The following CYSRT1 variants were observed in gnomAD, a reference collection of about 807,000 sequenced individuals.
The protein encoded by CYSRT1 is cysteine rich tail 1.
CYSRT1 carries 7 observed loss-of-function variants against 6.2 expected under a neutral mutation model. That is an observed-to-expected ratio of 1.13 (90% CI 0.64 to 2.13). CYSRT1 has a LOEUF of 2.13. CYSRT1 is among the 30% of genes most tolerant of loss of function. The pLI, the probability that CYSRT1 is intolerant of heterozygous loss-of-function variation, is 0.00. For synonymous variants in CYSRT1, 75 were observed against 83.1 expected, an observed-to-expected ratio of 0.90 and a Z score of 0.53; for missense variants, 188 against 196.4, an observed-to-expected ratio of 0.96 and a Z score of 0.26.
chr9:137,226,093 A>G lies in CYSRT1; in HGVS notation c.*37A>G, dbSNP rs775846554. 177 of 1,534,210 alleles carry G rather than the reference A, an allele frequency of 1.2e-4. No homozygotes were observed. The highest frequency in any genetic ancestry group is 1.2e-4 in the Non-Finnish European group (137 of 1,136,058). ...CTGCCAGGGCCAGGACCCAGACTTC[A>G]GCAAATGTGGCTCACACAGTGCCGG... is the stretch of plus-strand genomic sequence containing the variant. On this transcript the variant is annotated 3_prime_UTR_variant, in exon 2 of 2. Transcript: ENST00000650725.
Position 137,225,697 on chromosome 9 carries a change from C to G in CYSRT1, c.76C>G (p.Leu26Val). The change falls in exon 2 of 2, where the codon CTG (leucine) becomes GTG (valine). Residue 26 changes from leucine (L) to valine (V), a missense_variant. Coordinates refer to ENST00000650725, the MANE Select transcript of CYSRT1 (RefSeq NM_199001.5). ...SIPRAHLRPD[L>V]GQQLEVASTC... ...CCCCCGGGCTCACCTGCGGCCTGAC[C>G]TGGGGCAGCAGTTAGAGGTGGCTTC... The G allele has an allele frequency of 6.4e-7, 1 of 1,550,436 alleles. No individual in the cohort carries two copies. The highest frequency in any genetic ancestry group is 1.2e-5 in the South Asian group (1 of 84,064).
At chr9:137,225,262 G>T in intron 1 of CYSRT1, 29 bp downstream of exon 1, 1 of 1,497,884 alleles carries the variant, frequency 6.7e-7, no homozygotes, top group Non-Finnish European at 9.1e-7. Context: ...GGACTGCCCT[G>T]AACTCAGGGG....
chr9:137,225,870 C>T lies in CYSRT1; in HGVS notation c.249C>T (p.Ala83=), dbSNP rs530388424. Residue 83 remains alanine (A), a synonymous_variant, in exon 2 of 2, where the codon GCC becomes GCT. Transcript: ENST00000650725. ...CTGCCCCCATCCAGAACCAGCAGGC[C>T]TGGCAGCAGCCTGGCAACCCCTACA... is the stretch of plus-strand genomic sequence containing the variant. The part of the protein sequence containing the change: ...QGAAPIQNQQ[A]WQQPGNPYSS... 5.8e-6 allele frequency: 9 copies of T among 1,545,958 alleles called. No individual in the cohort carries two copies. In the African/African-American group the frequency reaches 1.1e-4, roughly 19 times the overall value.
At chr9:137,225,259 C>G (rs1267732302) in intron 1 of CYSRT1, 26 bp downstream of exon 1, 1 of 1,520,428 alleles carries the variant, frequency 6.6e-7, no homozygotes, top group Non-Finnish European at 8.9e-7. Context: ...CCGGGACTGC[C>G]CTGAACTCAG....
Position 137,226,230 on chromosome 9 carries a change from C to G in CYSRT1, c.*174C>G, listed in dbSNP as rs377706132. 1 of 1,269,342 alleles carries G rather than the reference C, an allele frequency of 7.9e-7. No individual in the cohort carries two copies. The highest frequency in any genetic ancestry group is 1.6e-5 in the South Asian group (1 of 63,088). 78.6% of individuals were successfully genotyped at this position (1,269,342 alleles called of 1,614,324 possible). On this transcript the variant is annotated 3_prime_UTR_variant, in exon 2 of 2. Coordinates refer to ENST00000650725, the MANE Select transcript of CYSRT1 (RefSeq NM_199001.5). Reference sequence around the variant, plus strand: ...GGCCGTTCAGCCCGAGCTCCTGAAACGGAATCCCAGGTCCTGGCTGGAGAG... The same window carrying G: ...GGCCGTTCAGCCCGAGCTCCTGAAAGGGAATCCCAGGTCCTGGCTGGAGAG...
chr9:137,226,217 C>T lies in CYSRT1; in HGVS notation c.*161C>T, dbSNP rs1053017596. On this transcript the variant is annotated 3_prime_UTR_variant, in exon 2 of 2. Coordinates refer to ENST00000650725, the MANE Select transcript of CYSRT1 (RefSeq NM_199001.5). The stretch of plus-strand genomic sequence containing the variant: ...CCACCAGGAAGGTGGCCGTTCAGCC[C>T]GAGCTCCTGAAACGGAATCCCAGGT... The T allele has an allele frequency of 1.2e-5, 16 of 1,360,352 alleles. No individual in the cohort carries two copies. In the East Asian group the frequency reaches 1.3e-4, roughly 11 times the overall value. 84.3% of individuals were successfully genotyped at this position (1,360,352 alleles called of 1,614,324 possible).
chr9:137,226,097 A>G lies in CYSRT1; in HGVS notation c.*41A>G, dbSNP rs780151083. 6.5e-7 allele frequency: 1 copy of G among 1,533,416 alleles called. No individual in the cohort carries two copies. Among genetic ancestry groups the G allele is most frequent in the Admixed American group, 2.0e-5 (1 of 50,358 alleles). 95.0% of individuals were successfully genotyped at this position (1,533,416 alleles called of 1,614,324 possible). A position where few individuals can be genotyped will look rare whatever the true frequency, so the allele number is the denominator to read the frequency against. On this transcript the variant is annotated 3_prime_UTR_variant, in exon 2 of 2. Coordinates refer to ENST00000650725, the MANE Select transcript of CYSRT1 (RefSeq NM_199001.5). ...CAGGGCCAGGACCCAGACTTCAGCA[A>G]ATGTGGCTCACACAGTGCCGGGACA...
rs1449858172 is a variant in CYSRT1 at position 137,226,090 on chromosome 9, T to C, written c.*34T>C. The C allele has an allele frequency of 6.5e-7, 1 of 1,535,026 alleles. No individual in the cohort carries two copies. The highest frequency in any genetic ancestry group is 8.8e-7 in the Non-Finnish European group (1 of 1,136,420). On this transcript the variant is annotated 3_prime_UTR_variant, in exon 2 of 2. Coordinates refer to ENST00000650725, the MANE Select transcript of CYSRT1 (RefSeq NM_199001.5). ...ACCCTGCCAGGGCCAGGACCCAGAC[T>C]TCAGCAAATGTGGCTCACACAGTGC... is the stretch of plus-strand genomic sequence containing the variant.
In CYSRT1 at chr9:137,225,726, CT is replaced by C; in HGVS notation, c.106del (p.Cys36ValfsTer65). 6.5e-7 allele frequency: 1 copy of C among 1,550,366 alleles called. No individual in the cohort carries two copies. The highest frequency in any genetic ancestry group is 8.7e-7 in the Non-Finnish European group (1 of 1,146,950). ...GGCAGCAGTTAGAGGTGGCTTCCAC[CT>C]GTTCCTCATCCTCGGAGATGCAGCC... The part of the protein sequence containing the change: ...LGQQLEVAST[C>X]SSSSEMQPLP... On this transcript the variant is annotated frameshift_variant, in exon 2 of 2. Transcript: ENST00000650725. LOFTEE classifies it low-confidence loss of function (END_TRUNC).
At chr9:137,225,258 C>A in intron 1 of CYSRT1, 25 bp downstream of exon 1, 1 of 1,519,520 alleles carries the variant, frequency 6.6e-7, no homozygotes, top group Non-Finnish European at 8.9e-7. Flanking sequence ...GCCGGGACTG[C>A]CCTGAACTCA....
rs760247719 is a variant in CYSRT1, at chr9:137,225,965, C to A, written c.344C>A (p.Ala115Asp). 1.3e-6 allele frequency: 2 copies of A among 1,548,898 alleles called. No homozygotes were observed. Among genetic ancestry groups the A allele is most frequent in the Non-Finnish European group, 8.7e-7 (1 of 1,146,618 alleles). ...PPPAGRGDDIAHHCCCCPCCH... is the reference protein window; with the variant it reads ...PPPAGRGDDIDHHCCCCPCCH... The stretch of plus-strand genomic sequence containing the variant: ...CCCGCGGGGCGCGGGGATGACATCG[C>A]CCACCACTGCTGCTGCTGCCCCTGC... The change falls in exon 2 of 2, where the codon GCC becomes GAC. Residue 115 changes from alanine (A) to aspartate (D), a missense_variant. Transcript: ENST00000650725.
At position 137,225,689 on chromosome 9, in the gene CYSRT1, G is replaced by T; in HGVS notation, c.68G>T (p.Arg23Leu). 6.4e-7 allele frequency: 1 copy of T among 1,550,402 alleles called. No individual in the cohort carries two copies. Among genetic ancestry groups the T allele is most frequent in the Non-Finnish European group, 8.7e-7 (1 of 1,146,948 alleles). The change falls in exon 2 of 2, where the codon CGG becomes CTG. Residue 23 changes from arginine (R) to leucine (L), a missense_variant. Arg to Leu is a moderately radical substitution (Grantham distance 102). Transcript: ENST00000650725. The stretch of plus-strand genomic sequence containing the variant: ...ATCAGCATCCCCCGGGCTCACCTGC[G>T]GCCTGACCTGGGGCAGCAGTTAGAG... ...AHISIPRAHL[R>L]PDLGQQLEVA... is the part of the protein sequence containing the mutation.
rs1835957165 is a variant in CYSRT1 at position 137,225,751 on chromosome 9, C to T, written c.130C>T (p.Pro44Ser). 2 of 1,550,190 alleles carry T rather than the reference C, an allele frequency of 1.3e-6. No homozygotes were observed. The highest frequency in any genetic ancestry group is 1.7e-6 in the Non-Finnish European group (2 of 1,146,912). ...CTGTTCCTCATCCTCGGAGATGCAG[C>T]CCCTGCCAGTGGGGCCCTGTGCCCC... Reference protein sequence around the residue: ...STCSSSSEMQPLPVGPCAPEP... With the variant: ...STCSSSSEMQSLPVGPCAPEP... Residue 44 changes from proline (P) to serine (S), a missense_variant, in exon 2 of 2, where the codon CCC becomes TCC. Coordinates refer to ENST00000650725, the MANE Select transcript of CYSRT1 (RefSeq NM_199001.5).
rs1385576993 is a variant in CYSRT1 at position 137,225,822 on chromosome 9, G to A, written c.201G>A (p.Lys67=). ...AGCCGACCGAGGTCCCAGGGCCCAA[G>A]GGCGCCAAGGGTAACCAGGGGGCTG... The part of the protein sequence containing the change: ...LLQPTEVPGP[K]GAKGNQGAAP... The change falls in exon 2 of 2, where the codon AAG becomes AAA. Residue 67 remains lysine, a synonymous_variant. Coordinates refer to ENST00000650725, the MANE Select transcript of CYSRT1 (RefSeq NM_199001.5). 2.6e-6 allele frequency: 4 copies of A among 1,548,646 alleles called. No homozygotes were observed. The highest frequency in any genetic ancestry group is 1.7e-6 in the Non-Finnish European group (2 of 1,146,848).
rs893564079 is a variant in CYSRT1, at chr9:137,225,203, G to C, written c.-39G>C. The C allele has an allele frequency of 5.8e-6, 9 of 1,550,406 alleles. No homozygotes were observed. The highest frequency in any genetic ancestry group is 7.8e-6 in the Non-Finnish European group (9 of 1,146,918). ...ACTGGGACCTAGAGCTCAGAAGACC[G>C]AGAGGACAGACTGCCGTGTTGCCAC... is the stretch of plus-strand genomic sequence containing the variant. On this transcript the variant is annotated 5_prime_UTR_variant, in exon 1 of 2. Transcript: ENST00000650725.
rs956087117 is a variant in CYSRT1, at chr9:137,225,648, G to A, written c.27G>A (p.Lys9=). Residue 9 remains lysine (K), a synonymous_variant, in exon 2 of 2, where the codon AAG becomes AAA. Coordinates refer to ENST00000650725, the MANE Select transcript of CYSRT1 (RefSeq NM_199001.5). MDPQEMVV[K]NPYAHISIPR... ...TGGACCCCCAAGAGATGGTCGTCAA[G>A]AACCCATATGCCCACATCAGCATCC... 1.3e-6 allele frequency: 2 copies of A among 1,550,328 alleles called. No homozygotes were observed. The highest frequency in any genetic ancestry group is 2.0e-5 in the Admixed American group (1 of 50,978).
At chr9:137,225,521 T>C in intron 1 of CYSRT1, 93 bp from the exon 2 acceptor site, 2 of 1,458,818 alleles carry the variant, frequency 1.4e-6, no homozygotes, top group Non-Finnish European at 9.1e-7. Context: ...CGAGGCACGC[T>C]GCTCCTGGTG....
In CYSRT1 at chr9:137,225,931, G is replaced by A; in HGVS notation, c.310G>A (p.Gly104Ser). 1.9e-6 allele frequency: 3 copies of A among 1,547,080 alleles called. No homozygotes were observed. Among genetic ancestry groups the A allele is most frequent in the Non-Finnish European group, 1.7e-6 (2 of 1,146,530 alleles). ...GCGCCAGGCCGGACTGACCTACGCT[G>A]GCCCTCCGCCCGCGGGGCGCGGGGA... Reference protein sequence around the residue: ...SQRQAGLTYAGPPPAGRGDDI... With the variant: ...SQRQAGLTYASPPPAGRGDDI... Residue 104 changes from glycine (G) to serine (S), a missense_variant, in exon 2 of 2, where the codon GGC becomes AGC. Transcript: ENST00000650725.
rs546990293 is a variant in CYSRT1 at position 137,225,877 on chromosome 9, C to A, written c.256C>A (p.Gln86Lys). 1.6e-4 allele frequency: 242 copies of A among 1,545,652 alleles called. 5 individuals carry two copies. The South Asian group carries it at 2.8e-3, about 18-fold the overall frequency. ...CATCCAGAACCAGCAGGCCTGGCAGCAGCCTGGCAACCCCTACAGCAGCAG... is the reference window on the plus strand; with the variant it reads ...CATCCAGAACCAGCAGGCCTGGCAGAAGCCTGGCAACCCCTACAGCAGCAG... ...APIQNQQAWQ[Q>K]PGNPYSSSQR... The change falls in exon 2 of 2, where the codon CAG becomes AAG. Residue 86 changes from glutamine (Q) to lysine (K), a missense_variant. Gln to Lys is a moderately conservative substitution (Grantham distance 53, BLOSUM62 1). Coordinates refer to ENST00000650725, the MANE Select transcript of CYSRT1 (RefSeq NM_199001.5).
Sources: gnomAD v4.1 joint callset for allele counts on GRCh38, gnomAD v4.1.1 for gene constraint, MANE v1.5 for transcripts, NCBI Gene and HGNC (gene_info 2026-07-23, HGNC 2026-07-21) for gene names.